The following HDAC9 variants were observed in gnomAD, a reference collection of about 807,000 sequenced individuals.
The protein encoded by HDAC9 is histone deacetylase 9.
In HDAC9, 41 loss-of-function variants were observed where a neutral mutation model predicts 139.4. The observed-to-expected ratio is 0.29, with a 90% CI of 0.23 to 0.38. The LOEUF is 0.38. HDAC9 is among the 10% of genes least tolerant of loss of function. The pLI, the probability that HDAC9 is intolerant of heterozygous loss-of-function variation, is 1.00. For synonymous variants in HDAC9, 517 were observed against 476.2 expected (o/e 1.09, Z -1.12); for missense variants, 1,147 against 1,297.0 (o/e 0.88, Z 1.78).
intron 14 of HDAC9, among the ~76,000 whole-genome samples, chr7:18,759,069 G>A (rs1393801681): frequency 6.6e-6 from 1 of 152,140 alleles, no homozygotes; most frequent in South Asian, 2.1e-4. Flanking sequence ...ACATTTTAAT[G>A]GCAAGGATGG....
chr7:18,456,943 A>G (rs1793404442), intron 1 of HDAC9, among the ~76,000 whole-genome samples: 2 of 152,182 alleles, frequency 1.3e-5, no homozygotes, highest in South Asian at 2.1e-4. Context: ...AGCTTTATAT[A>G]TAGCTATACT....
At chr7:18,091,686 G>A (rs1479752640) in intron 1 of HDAC9, among the ~76,000 whole-genome samples, 1 of 152,110 alleles carries the variant, frequency 6.6e-6, no homozygotes, top group Non-Finnish European at 1.5e-5. Context: ...GCTCAACTAG[G>A]TCCTCTGGCC....
chr7:18,925,393 T>C lies in HDAC9; in HGVS notation c.2804-10416T>C, dbSNP rs369370746. ...GCACTTAGCATGGTGCCTGGTTATATTAGGTCTCACTAACATTAGTTTATA... is the reference window on the plus strand; with the variant it reads ...GCACTTAGCATGGTGCCTGGTTATACTAGGTCTCACTAACATTAGTTTATA... On this transcript the variant is annotated intron_variant, in intron 22 of 25. Coordinates refer to ENST00000686413, the MANE Select transcript of HDAC9 (RefSeq NM_178425.4). 2.6e-5 allele frequency among the ~76,000 whole-genome samples: 4 copies of C among 152,266 alleles called. No homozygotes were observed. The East Asian group carries it at 7.7e-4, about 29-fold the overall frequency.
chr7:18,149,092 G>A (rs568048238), intron 1 of HDAC9, among the ~76,000 whole-genome samples: 9 of 152,166 alleles, frequency 5.9e-5, no homozygotes, highest in South Asian at 2.1e-4. Flanking sequence ...CCTTGCCAAC[G>A]TGAGGATTAT....
intron 1 of HDAC9, among the ~76,000 whole-genome samples, chr7:18,158,068 A>T (rs1338229875): frequency 6.6e-6 from 1 of 152,212 alleles, no homozygotes; most frequent in South Asian, 2.1e-4. Context: ...TGCCCTAGCC[A>T]TGAGAAAGAT....
intron 2 of HDAC9, among the ~76,000 whole-genome samples, chr7:18,507,487 C>A (rs970467741): frequency 6.6e-6 from 1 of 150,442 alleles, no homozygotes; most frequent in Non-Finnish European, 1.5e-5. Flanking sequence ...GCCACCGCAC[C>A]CGGCTATTAT....
At chr7:18,113,659 A>G (rs1367414491) in intron 1 of HDAC9, among the ~76,000 whole-genome samples, 1 of 152,224 alleles carries the variant, frequency 6.6e-6, no homozygotes, top group African/African-American at 2.4e-5. Context: ...TGCTTTTAAC[A>G]CACTCTTATT....
intron 25 of HDAC9, among the ~76,000 whole-genome samples, chr7:18,990,143 T>A (rs1347104352): frequency 1.3e-5 from 2 of 152,136 alleles, no homozygotes; most frequent in Admixed American, 1.3e-4. Context: ...CGTTTTAGAG[T>A]TTCCAGTTTT....
chr7:18,479,977 A>G (rs1046632616), intron 1 of HDAC9, among the ~76,000 whole-genome samples: 2 of 116,788 alleles, frequency 1.7e-5, no homozygotes, highest in Non-Finnish European at 3.6e-5. Flanking sequence ...TATAAATTCC[A>G]CTCTGTCTTT....
At chr7:18,194,256 A>G (rs1343770408) in intron 2 of HDAC9, among the ~76,000 whole-genome samples, 1 of 152,092 alleles carries the variant, frequency 6.6e-6, no homozygotes, top group Non-Finnish European at 1.5e-5. Context: ...TTTTTTACAT[A>G]TCTCTGTAGG....
intron 13 of HDAC9, among the ~76,000 whole-genome samples, chr7:18,737,176 A>C (rs888300592): frequency 1.7e-4 from 26 of 152,072 alleles, no homozygotes; most frequent in African/African-American, 6.3e-4. Flanking sequence ...TGATCTTTTC[A>C]AAAAACCAGC....
At chr7:18,978,174 A>C (rs1312259267) in intron 25 of HDAC9, among the ~76,000 whole-genome samples, 1 of 152,168 alleles carries the variant, frequency 6.6e-6, no homozygotes. Context: ...ATGGATGGAA[A>C]AGAGTGAAGG....
chr7:18,259,778 T>C (rs1387550443), intron 2 of HDAC9, among the ~76,000 whole-genome samples: 1 of 152,214 alleles, frequency 6.6e-6, no homozygotes, highest in East Asian at 1.9e-4. Flanking sequence ...ACCCTTTAGA[T>C]CACCTTTCGA....
chr7:18,593,872 A>G (rs765172516), intron 5 of HDAC9, 36 bp from the exon 6 acceptor site: 2 of 1,610,622 alleles, frequency 1.2e-6, no homozygotes, highest in Non-Finnish European at 1.7e-6. Flanking sequence ...AGTAAAAACT[A>G]CCAAGTAAAT....
intron 2 of HDAC9, among the ~76,000 whole-genome samples, chr7:18,521,476 T>G (rs1805013487): frequency 6.6e-6 from 1 of 152,170 alleles, no homozygotes; most frequent in African/African-American, 2.4e-5. Flanking sequence ...CAGTCGTCCA[T>G]CTATTTGATT....
intron 24 of HDAC9, among the ~76,000 whole-genome samples, chr7:18,961,649 A>G (rs1252148060): frequency 1.3e-5 from 2 of 152,182 alleles, no homozygotes; most frequent in Admixed American, 1.3e-4. Context: ...ATAATAAAAT[A>G]ATGTAATAAT....
At chr7:18,405,509 C>A (rs1252603993) in intron 1 of HDAC9, among the ~76,000 whole-genome samples, 1 of 66,830 alleles carries the variant, frequency 1.5e-5, no homozygotes, top group Non-Finnish European at 3.4e-5. Context: ...GTGGGAATAG[C>A]CATTTTGGTT....
At chr7:18,982,887 G>A (rs527685186) in intron 25 of HDAC9, among the ~76,000 whole-genome samples, 4 of 152,132 alleles carry the variant, frequency 2.6e-5, no homozygotes, top group Non-Finnish European at 5.9e-5. Context: ...TATACCTACG[G>A]ATGGATGTTT....
At chr7:18,380,717 A>G (rs1432287019) in intron 1 of HDAC9, among the ~76,000 whole-genome samples, 1 of 152,176 alleles carries the variant, frequency 6.6e-6, no homozygotes, top group Non-Finnish European at 1.5e-5. Flanking sequence ...ACCAAACATC[A>G]ATAAGCTTCT....
Sources: gnomAD v4.1 joint callset for allele counts (sites outside exome capture counted in the v4.1 genomes callset) on GRCh38, gnomAD v4.1.1 for gene constraint, MANE v1.5 for transcripts, NCBI Gene and HGNC (gene_info 2026-07-23, HGNC 2026-07-21) for gene names.